The following PTP4A2 variants were observed in gnomAD, a reference collection of about 807,000 sequenced individuals.
PTP4A2 encodes protein tyrosine phosphatase type IVA 2.
A neutral mutation model predicts 22.9 loss-of-function variants in PTP4A2; 2 were observed. The ratio of observed to expected loss-of-function variants is 0.09; its 90% CI spans 0.04 to 0.27. The LOEUF (loss-of-function observed/expected upper bound fraction) is 0.27. Ranked by LOEUF, PTP4A2 falls within the 10% of genes least tolerant of loss-of-function variation. The pLI is 1.00. For synonymous variants in PTP4A2, 68 were observed against 69.1 expected (o/e 0.98, Z 0.08); for missense variants, 103 against 205.1 (o/e 0.50, Z 3.04).
intron 5 of PTP4A2, 143 bp downstream of exon 5, chr1:31,909,895 C>G: frequency 1.5e-6 from 1 of 673,128 alleles, no homozygotes; most frequent in Non-Finnish European, 2.5e-6. Context: ...ATCACTTGCT[C>G]TAAATTTTTT....
chr1:31,907,688 G>A lies in PTP4A2; in HGVS notation c.*1164C>T, dbSNP rs976622278. 2.6e-5 allele frequency: 4 copies of A among 152,040 alleles called. No homozygotes were observed. The highest frequency in any genetic ancestry group is 1.3e-4 in the Admixed American group (2 of 15,258). The allele number at this position is 152,040 out of a possible 1,614,324, so 9.4% of individuals were successfully genotyped here. ...CAAGCATTTCTCAAGTCGAAAATAT[G>A]TGAATTTGCTGCTGCTCCTTTGACG... On this transcript the variant is annotated 3_prime_UTR_variant, in exon 6 of 6. Transcript: ENST00000647444.
chr1:31,922,623 TTTCTTTCTTTCTTTTA>T (rs1345121847), intron 1 of PTP4A2, among the ~76,000 whole-genome samples: 11 of 117,304 alleles, frequency 9.4e-5, no homozygotes, highest in Non-Finnish European at 1.5e-4. Flanking sequence ...TCTTTCTTTC[TTTCTTTCTTTCTTTTA>T]TTTATTTTGA....
At chr1:31,922,757 A>C (rs1419077534) in intron 1 of PTP4A2, among the ~76,000 whole-genome samples, 1 of 151,672 alleles carries the variant, frequency 6.6e-6, no homozygotes, top group African/African-American at 2.4e-5. Flanking sequence ...GCTCCTGAGG[A>C]GCTGGGAACA....
intron 1 of PTP4A2, among the ~76,000 whole-genome samples, chr1:31,928,186 TTA>T (rs1030020882): frequency 1.3e-4 from 19 of 146,518 alleles, no homozygotes; most frequent in African/African-American, 4.8e-4. Context: ...CAAATATATA[TTA>T]TAACATATAT....
chr1:31,906,946 GAAAT>G lies in PTP4A2; in HGVS notation c.*1902_*1905del, dbSNP rs1184298332. 1 of 152,126 alleles carries G rather than the reference GAAAT, an allele frequency of 6.6e-6. No homozygotes were observed. The highest frequency in any genetic ancestry group is 1.5e-5 in the Non-Finnish European group (1 of 68,030). 9.4% of individuals were successfully genotyped at this position (152,126 alleles called of 1,614,324 possible). A position where few individuals can be genotyped will look rare whatever the true frequency, so the allele number is the denominator to read the frequency against. On this transcript the variant is annotated 3_prime_UTR_variant, in exon 6 of 6. Coordinates refer to ENST00000647444, the MANE Select transcript of PTP4A2 (RefSeq NM_080391.4). The stretch of plus-strand genomic sequence containing the variant: ...TTAATGGAATCTATTGTTGCATTCT[GAAAT>G]AAAGAATTTTGGATATACCATTATG...
At chr1:31,926,794 GA>G (rs1286328046) in intron 1 of PTP4A2, among the ~76,000 whole-genome samples, 2 of 152,154 alleles carry the variant, frequency 1.3e-5, no homozygotes, top group East Asian at 1.9e-4. Context: ...CTGCTCTGGA[GA>G]AAAATTAGAA....
intron 1 of PTP4A2, chr1:31,921,477 C>G (rs1053311514): frequency 4.2e-4 from 64 of 152,100 alleles, no homozygotes; most frequent in African/African-American, 1.4e-3. Context: ...ACACTTCTCC[C>G]CAAACATTAA....
intron 4 of PTP4A2, 31 bp from the exon 5 acceptor site, chr1:31,910,143 A>G (rs745546362): frequency 1.1e-5 from 18 of 1,566,252 alleles, no homozygotes; most frequent in African/African-American, 5.4e-5. Flanking sequence ...GTAAGTATCC[A>G]TAAGTCTTGG....
chr1:31,926,933 G>A (rs1342596412), intron 1 of PTP4A2, among the ~76,000 whole-genome samples: 3 of 152,164 alleles, frequency 2.0e-5, no homozygotes, highest in Non-Finnish European at 2.9e-5. Flanking sequence ...GGTATTTGGG[G>A]AGCATTTTAG....
intron 3 of PTP4A2, among the ~76,000 whole-genome samples, chr1:31,915,222 T>C (rs10914500): frequency 2.0e-3 from 312 of 152,380 alleles, no homozygotes; most frequent in African/African-American, 7.1e-3. Flanking sequence ...TTGAAAATAC[T>C]ATGATTTGTA....
At chr1:31,926,132 A>G (rs1175252292) in intron 1 of PTP4A2, among the ~76,000 whole-genome samples, 1 of 135,694 alleles carries the variant, frequency 7.4e-6, no homozygotes, top group Admixed American at 7.3e-5. Flanking sequence ...CGTTTCAAAA[A>G]ATTAAAAAAA....
intron 1 of PTP4A2, among the ~76,000 whole-genome samples, chr1:31,920,904 A>G (rs184991517): frequency 8.7e-4 from 132 of 152,288 alleles, no homozygotes; most frequent in Non-Finnish European, 1.6e-3. Flanking sequence ...GGTCCTTCAC[A>G]TATACTCTTT....
At chr1:31,913,810 TATG>T (rs1651673277) in intron 3 of PTP4A2, 1 of 456,176 alleles carries the variant, frequency 2.2e-6, no homozygotes. Flanking sequence ...TCAAACAGAC[TATG>T]GTCAATCCAG....
chr1:31,922,973 C>T (rs1355191072), intron 1 of PTP4A2, among the ~76,000 whole-genome samples: 4 of 151,624 alleles, frequency 2.6e-5, no homozygotes, highest in Admixed American at 1.3e-4. Context: ...ACTCTGTTGC[C>T]CAGGCTGGAG....
chr1:31,915,895 T>C lies in PTP4A2; in HGVS notation c.189A>G (p.Leu63=). 6.3e-7 allele frequency: 1 copy of C among 1,580,904 alleles called. No individual in the cohort carries two copies. Among genetic ancestry groups the C allele is most frequent in the South Asian group, 1.2e-5 (1 of 86,628 alleles). ...AAAAATTTAAATACTACACACTCACTAGAACGTGGATTCCTTCTTTTTCAA... is the reference window on the plus strand; with the variant it reads ...AAAAATTTAAATACTACACACTCACCAGAACGTGGATTCCTTCTTTTTCAA... ...APVEKEGIHV[L]DWPFDDGAPP... Residue 63 remains leucine, a splice_region_variant and synonymous_variant, in exon 3 of 6, where the codon CTA becomes CTG. Transcript: ENST00000647444.
At position 31,919,174 on chromosome 1, in the gene PTP4A2, C is replaced by T. The variant is rs886133440; in HGVS notation, c.-109G>A. ...ACAGCAGAAAACATTAAAAAGACCA[C>T]TAAAATGCCTATTATCAATCAGTGT... On this transcript the variant is annotated 5_prime_UTR_variant, in exon 2 of 6. In the 5' UTR this introduces an upstream ATG that the reference lacks. Coordinates refer to ENST00000647444, the MANE Select transcript of PTP4A2 (RefSeq NM_080391.4). 4 of 575,810 alleles carry T rather than the reference C, an allele frequency of 6.9e-6. No homozygotes were observed. Among genetic ancestry groups the T allele is most frequent in the African/African-American group, 1.9e-5 (1 of 52,636 alleles). 35.7% of individuals were successfully genotyped at this position (575,810 alleles called of 1,614,324 possible). A position where few individuals can be genotyped will look rare whatever the true frequency, so the allele number is the denominator to read the frequency against.
At chr1:31,926,149 A>AAATATATATATATATATATAT (rs59088489) in intron 1 of PTP4A2, among the ~76,000 whole-genome samples, 3 of 131,340 alleles carry the variant, frequency 2.3e-5, no homozygotes, top group African/African-American at 8.5e-5. Flanking sequence ...AAAAAAAAAA[A>AAATATATATATATATATATAT]ATATATATAT....
chr1:31,909,168 C>CTG (rs1651398647), intron 5 of PTP4A2, among the ~76,000 whole-genome samples: 1 of 152,098 alleles, frequency 6.6e-6, no homozygotes, highest in African/African-American at 2.4e-5. Flanking sequence ...TTCTTGCTGA[C>CTG]TGTCATTATA....
At chr1:31,910,135 A>G in intron 4 of PTP4A2, 23 bp from the exon 5 acceptor site, 9 of 1,574,732 alleles carry the variant, frequency 5.7e-6, no homozygotes, top group Non-Finnish European at 7.8e-6. Context: ...ACCTGTATGT[A>G]AGTATCCATA....
Sources: allele counts gnomAD v4.1 joint callset (sites outside exome capture counted in the v4.1 genomes callset), GRCh38; gene constraint gnomAD v4.1.1; transcripts MANE v1.5; gene names NCBI Gene and HGNC (gene_info 2026-07-23, HGNC 2026-07-21).